PARD3B: variants seen among roughly 807,000 people sequenced by gnomAD.
PARD3B encodes the protein par-3 family cell polarity regulator beta, also known as partitioning defective 3 homolog B.
PARD3B carries 103 observed loss-of-function variants against 130.2 expected under a neutral mutation model. The ratio of observed to expected loss-of-function variants is 0.79; its 90% CI spans 0.67 to 0.93. The LOEUF (loss-of-function observed/expected upper bound fraction) is 0.93. Among genes scored for constraint, PARD3B ranks in the 40% least tolerant of loss-of-function variants. The probability of loss-of-function intolerance (pLI) is 0.00; values close to 1 mark genes in which losing one functional copy is unlikely to be tolerated. For missense variants in PARD3B, 1,609 were observed against 1,499.2 expected (o/e 1.07, Z -1.21); for synonymous variants, 583 against 553.2 (o/e 1.05, Z -0.76).
intron 2 of PARD3B, among the ~76,000 whole-genome samples, chr2:204,825,887 G>A (rs370863072): frequency 1.3e-4 from 20 of 152,184 alleles, no homozygotes; most frequent in African/African-American, 3.6e-4. Context: ...CTAGATTTTC[G>A]TTGTTTTGGT....
chr2:204,690,838 C>T (rs757245778), intron 2 of PARD3B, among the ~76,000 whole-genome samples: 1 of 152,106 alleles, frequency 6.6e-6, no homozygotes, highest in Non-Finnish European at 1.5e-5. Context: ...ATTGACTGGG[C>T]ATTGAGATCC....
chr2:204,619,995 C>T (rs894876199), intron 1 of PARD3B, among the ~76,000 whole-genome samples: 3 of 152,084 alleles, frequency 2.0e-5, no homozygotes, highest in Admixed American at 6.5e-5. Context: ...CTTACTGACT[C>T]ATGCACCTCT....
At chr2:205,588,052 G>A (rs376093323) in intron 22 of PARD3B, among the ~76,000 whole-genome samples, 5 of 152,282 alleles carry the variant, frequency 3.3e-5, no homozygotes, top group Admixed American at 3.3e-4. Flanking sequence ...AGAACAGGAA[G>A]GAAAGGCAAA....
chr2:205,440,225 G>T lies in PARD3B; in HGVS notation c.2742-145G>T, dbSNP rs187795773. 5.3e-6 allele frequency: 4 copies of T among 752,476 alleles called. No individual in the cohort carries two copies. The highest frequency in any genetic ancestry group is 2.9e-5 in the Admixed American group (1 of 34,938). The allele number at this position is 752,476 out of a possible 1,614,324, so 46.6% of individuals were successfully genotyped here. ...TAAAATTAATCTTCTTATGCTGTTG[G>T]CATTTCTGCATGCTGTGATCTTGAG... On this transcript the variant is annotated intron_variant, in intron 19 of 22. Coordinates refer to ENST00000406610, the MANE Select transcript of PARD3B (RefSeq NM_001302769.2). This position sits in a 1 kb window ranked among gnomAD's most constrained non-coding sequence, Gnocchi z 4.2.
At chr2:205,551,057 C>T (rs372280617) in intron 21 of PARD3B, among the ~76,000 whole-genome samples, 4 of 149,574 alleles carry the variant, frequency 2.7e-5, no homozygotes, top group African/African-American at 9.8e-5. Flanking sequence ...CTCCTCAAGG[C>T]AACAGAATAC....
chr2:205,337,770 G>A (rs1175354710), intron 18 of PARD3B, among the ~76,000 whole-genome samples: 1 of 152,160 alleles, frequency 6.6e-6, no homozygotes, highest in Non-Finnish European at 1.5e-5. Flanking sequence ...ATAAGTGCTT[G>A]TGTCAAAAAA....
chr2:205,597,152 G>A (rs1409619755), intron 22 of PARD3B, among the ~76,000 whole-genome samples: 2 of 151,912 alleles, frequency 1.3e-5, no homozygotes, highest in African/African-American at 2.4e-5. Flanking sequence ...TCCAAATAGC[G>A]AGCATAAATA....
intron 16 of PARD3B, among the ~76,000 whole-genome samples, chr2:205,295,743 C>T (rs1265631621): frequency 6.6e-6 from 1 of 152,118 alleles, no homozygotes; most frequent in South Asian, 2.1e-4. Context: ...GAAGTTCAAA[C>T]ATTGCCAATT....
At chr2:204,762,749 CTTT>C (rs1418792647) in intron 2 of PARD3B, among the ~76,000 whole-genome samples, 6 of 88,292 alleles carry the variant, frequency 6.8e-5, no homozygotes, top group African/African-American at 1.7e-4. Flanking sequence ...TTTCTTTTTT[CTTT>C]TTCTTTTTCT....
intron 15 of PARD3B, among the ~76,000 whole-genome samples, chr2:205,205,265 G>A (rs977432359): frequency 2.0e-5 from 3 of 152,042 alleles, no homozygotes; most frequent in Non-Finnish European, 4.4e-5. Flanking sequence ...CTGGTGTATA[G>A]GAATGCTTGT....
intron 18 of PARD3B, among the ~76,000 whole-genome samples, chr2:205,396,521 T>C (rs891221424): frequency 3.9e-5 from 6 of 152,216 alleles, no homozygotes; most frequent in Admixed American, 1.3e-4. Context: ...AGCAAACTTA[T>C]AATTCATGAA....
rs1398243332 is a variant in PARD3B, at chr2:205,121,560, G to T, written c.807-31G>T. 4 of 1,587,576 alleles carry T rather than the reference G, an allele frequency of 2.5e-6. No homozygotes were observed. The highest frequency in any genetic ancestry group is 3.4e-6 in the Non-Finnish European group (4 of 1,159,584). On this transcript the variant is annotated intron_variant, in intron 7 of 22. Transcript: ENST00000406610. This position sits in a 1 kb window ranked among gnomAD's most constrained non-coding sequence, Gnocchi z 5.0. ...AGAAGATGCTGCACCTCAAAGCAGG[G>T]TCATCATACATTTATCAACTTTCTT...
intron 2 of PARD3B, among the ~76,000 whole-genome samples, chr2:204,933,705 C>T (rs1688201018): frequency 6.6e-6 from 1 of 152,190 alleles, no homozygotes. Flanking sequence ...TAATAAATGG[C>T]TGTACATTGT....
intron 2 of PARD3B, among the ~76,000 whole-genome samples, chr2:204,718,832 T>G (rs1224709644): frequency 1.3e-5 from 2 of 152,208 alleles, no homozygotes; most frequent in Non-Finnish European, 2.9e-5. Flanking sequence ...TGTGTTGAGT[T>G]TGAGGCCAGT....
chr2:205,468,742 T>C lies in PARD3B; in HGVS notation c.3044+28070T>C, dbSNP rs374370924. Among the ~76,000 whole-genome samples the C allele has an allele frequency of 5.3e-5, 8 of 152,332 alleles. No individual in the cohort carries two copies. In the East Asian group the frequency reaches 1.5e-3, roughly 29 times the overall value. Reference sequence around the variant, plus strand: ...TTGGGTCCAGTGTTCCTCAAACTTTTATTTGATCCATTGTGCTTTCCCTCT... The same window carrying C: ...TTGGGTCCAGTGTTCCTCAAACTTTCATTTGATCCATTGTGCTTTCCCTCT... On this transcript the variant is annotated intron_variant, in intron 20 of 22. Coordinates refer to ENST00000406610, the MANE Select transcript of PARD3B (RefSeq NM_001302769.2).
intron 2 of PARD3B, among the ~76,000 whole-genome samples, chr2:204,843,700 T>A (rs147847536): frequency 7.2e-5 from 11 of 152,282 alleles, no homozygotes; most frequent in African/African-American, 2.4e-4. Context: ...ATAATCAACC[T>A]GCCCAGAGTT....
chr2:204,965,119 C>G, intron 2 of PARD3B, 33 bp from the exon 3 acceptor site: 2 of 1,603,426 alleles, frequency 1.2e-6, no homozygotes, highest in Middle Eastern at 1.7e-4. Flanking sequence ...GCATGTCCTA[C>G]AAAGTAATTA....
At chr2:205,298,598 G>C (rs895569476) in intron 16 of PARD3B, among the ~76,000 whole-genome samples, 1 of 151,982 alleles carries the variant, frequency 6.6e-6, no homozygotes, top group African/African-American at 2.4e-5. Context: ...ATAGCCAGTA[G>C]GGTTTATAAA....
At chr2:205,557,615 T>C (rs2052949006) in intron 22 of PARD3B, among the ~76,000 whole-genome samples, 1 of 152,232 alleles carries the variant, frequency 6.6e-6, no homozygotes, top group South Asian at 2.1e-4. Flanking sequence ...CTCTGTTTTC[T>C]AATCTGCAAA....
Sources: gnomAD v4.1 joint callset for allele counts (sites outside exome capture counted in the v4.1 genomes callset) on GRCh38, gnomAD v4.1.1 for gene constraint, Gnocchi (gnomAD v3.1) non-coding constraint, MANE v1.5 for transcripts, NCBI Gene and HGNC (gene_info 2026-07-23, HGNC 2026-07-21) for gene names.